Variants in CSMD1 observed in about 807,000 individuals in gnomAD.
CSMD1 encodes CUB and sushi domain-containing protein 1.
In CSMD1, 213 loss-of-function variants were observed where a neutral mutation model predicts 417.5. The ratio of observed to expected loss-of-function variants is 0.51; its 90% CI spans 0.46 to 0.57. The LOEUF (loss-of-function observed/expected upper bound fraction) is 0.57, where lower values mean the gene tolerates loss of function less well. Among genes scored for constraint, CSMD1 ranks in the 20% least tolerant of loss-of-function variants. The pLI is 0.00. For missense variants in CSMD1, 6,923 were observed against 4,529.7 expected, an observed-to-expected ratio of 1.53 and a Z score of -15.17; for synonymous variants, 2,862 against 1,736.8, an observed-to-expected ratio of 1.65 and a Z score of -16.11.
At chr8:4,077,344 T>C (rs1187652447) in intron 3 of CSMD1, among the ~76,000 whole-genome samples, 1 of 147,346 alleles carries the variant, frequency 6.8e-6, no homozygotes, top group African/African-American at 2.5e-5. Context: ...AGATTATATA[T>C]AATTTATATT....
At chr8:3,531,383 T>C (rs975392169) in intron 10 of CSMD1, among the ~76,000 whole-genome samples, 5 of 152,188 alleles carry the variant, frequency 3.3e-5, no homozygotes, top group Admixed American at 1.3e-4. Flanking sequence ...TGTGTTTTCA[T>C]TATAGAATCT....
At chr8:4,584,206 G>A (rs985065504) in intron 2 of CSMD1, among the ~76,000 whole-genome samples, 1 of 152,150 alleles carries the variant, frequency 6.6e-6, no homozygotes, top group South Asian at 2.1e-4. Flanking sequence ...CATTCTTGAA[G>A]CTAGTGAGAC....
chr8:4,377,937 G>A (rs970815602), intron 3 of CSMD1, among the ~76,000 whole-genome samples: 1 of 152,136 alleles, frequency 6.6e-6, no homozygotes, highest in Non-Finnish European at 1.5e-5. Flanking sequence ...TTAACAAATG[G>A]CCCTCATAAT....
At chr8:4,821,449 C>T (rs765500896) in intron 1 of CSMD1, among the ~76,000 whole-genome samples, 1 of 152,166 alleles carries the variant, frequency 6.6e-6, no homozygotes, top group Non-Finnish European at 1.5e-5. Flanking sequence ...AAATCTCATA[C>T]TACGCAGTAA....
At chr8:4,701,317 C>CTT (rs5889050) in intron 1 of CSMD1, among the ~76,000 whole-genome samples, 3,441 of 143,262 alleles carry the variant, frequency 0.024, 110 homozygotes, top group African/African-American at 0.07. Flanking sequence ...TCCTTTGATG[C>CTT]TTTTTTTTTT....
intron 5 of CSMD1, among the ~76,000 whole-genome samples, chr8:3,841,786 A>G (rs537725698): frequency 3.3e-5 from 5 of 152,258 alleles, no homozygotes; most frequent in South Asian, 2.1e-4. Flanking sequence ...GAAAATTAGT[A>G]AATACGTGCA....
At chr8:4,717,396 T>C in intron 1 of CSMD1, among the ~76,000 whole-genome samples, 1 of 96,216 alleles carries the variant, frequency 1.0e-5, no homozygotes, top group South Asian at 2.8e-4. Flanking sequence ...TATACATACA[T>C]ATATACATAT....
In CSMD1 at chr8:4,322,609, G is replaced by C. The variant is rs564950994; in HGVS notation, c.415+97344C>G. Among the ~76,000 whole-genome samples, 28 of 152,306 alleles carry C rather than the reference G, an allele frequency of 1.8e-4. 1 individual carries two copies. The South Asian group carries it at 5.8e-3, about 32-fold the overall frequency. On this transcript the variant is annotated intron_variant, in intron 3 of 69. Coordinates refer to ENST00000635120, the MANE Select transcript of CSMD1 (RefSeq NM_033225.6). ...TCAACATAAAAGACATGTTGTAGAA[G>C]CAGAAAAATGCTGGACATATTTGAG...
At chr8:4,806,230 T>C (rs1288725212) in intron 1 of CSMD1, among the ~76,000 whole-genome samples, 2 of 152,180 alleles carry the variant, frequency 1.3e-5, no homozygotes, top group African/African-American at 4.8e-5. Flanking sequence ...ATTTCAAACC[T>C]ATAGCTTACT....
At chr8:3,598,859 G>C (rs1282743179) in intron 8 of CSMD1, among the ~76,000 whole-genome samples, 3 of 152,070 alleles carry the variant, frequency 2.0e-5, no homozygotes, top group Admixed American at 6.6e-5. Flanking sequence ...GACACAGGTG[G>C]ATCACAAGGT....
At chr8:4,310,380 C>T (rs1307715137) in intron 3 of CSMD1, among the ~76,000 whole-genome samples, 1 of 152,166 alleles carries the variant, frequency 6.6e-6, no homozygotes, top group Non-Finnish European at 1.5e-5. Context: ...CAGTGTTTCT[C>T]ACAGCCTACA....
chr8:3,966,682 C>A (rs545833032), intron 5 of CSMD1, among the ~76,000 whole-genome samples: 1 of 151,998 alleles, frequency 6.6e-6, no homozygotes, highest in Non-Finnish European at 1.5e-5. Flanking sequence ...ATGCTATCTG[C>A]CACCACAGCG....
chr8:4,115,969 TTTATTTATTTA>T (rs1802114686), intron 3 of CSMD1, among the ~76,000 whole-genome samples: 2 of 622 alleles, frequency 3.2e-3, no homozygotes, highest in East Asian at 0.017. Flanking sequence ...CATTATTTTA[TTTATTTATTTA>T]TTTATTTATT....
chr8:4,354,453 T>C (rs1014280668), intron 3 of CSMD1, among the ~76,000 whole-genome samples: 1 of 152,086 alleles, frequency 6.6e-6, no homozygotes, highest in African/African-American at 2.4e-5. Context: ...AACATCTGCG[T>C]TAGCTAAAAT....
chr8:3,187,760 A>G, intron 36 of CSMD1, 109 bp downstream of exon 36: 1 of 769,300 alleles, frequency 1.3e-6, no homozygotes, highest in Admixed American at 2.2e-5. Context: ...TGGAGATAGA[A>G]GAATTGTGTA....
chr8:4,094,870 A>G (rs1800917537), intron 3 of CSMD1, among the ~76,000 whole-genome samples: 1 of 152,188 alleles, frequency 6.6e-6, no homozygotes, highest in Non-Finnish European at 1.5e-5. Context: ...TTTGGGGCAT[A>G]TTGTGTATGT....
At chr8:4,502,494 G>C (rs547863265) in intron 2 of CSMD1, among the ~76,000 whole-genome samples, 23 of 152,226 alleles carry the variant, frequency 1.5e-4, no homozygotes, top group Non-Finnish European at 2.8e-4. Flanking sequence ...CAAATTCTGA[G>C]GGCCATGACC....
In CSMD1 at chr8:3,203,121, C is replaced by T. The variant is rs78157543; in HGVS notation, c.4985-1396G>A. On this transcript the variant is annotated intron_variant, in intron 31 of 69. Coordinates refer to ENST00000635120, the MANE Select transcript of CSMD1 (RefSeq NM_033225.6). The stretch of plus-strand genomic sequence containing the variant: ...AGAAATATTTAGCTGACATCCACCT[C>T]ATACTAGAAACTAAGAAAAAAGGAG... 2.1e-3 allele frequency among the ~76,000 whole-genome samples: 319 copies of T among 152,276 alleles called. 2 individuals are homozygous for T. Among genetic ancestry groups the T allele is most frequent in the Middle Eastern group, 0.02 (6 of 294 alleles).
intron 3 of CSMD1, among the ~76,000 whole-genome samples, chr8:4,143,078 A>G (rs529052362): frequency 6.6e-6 from 1 of 150,862 alleles, no homozygotes; most frequent in African/African-American, 2.5e-5. Flanking sequence ...AAGCAAGTTT[A>G]GTGACATGAT....
Sources: allele counts gnomAD v4.1 joint callset (sites outside exome capture counted in the v4.1 genomes callset), GRCh38; gene constraint gnomAD v4.1.1; transcripts MANE v1.5; gene names NCBI Gene and HGNC (gene_info 2026-07-23, HGNC 2026-07-21).